GLIS3: variants seen among roughly 807,000 people sequenced by gnomAD.
The protein encoded by GLIS3 is GLIS family zinc finger 3.
Under a neutral mutation model 78.6 loss-of-function variants are expected in GLIS3, and 53 were observed. The observed-to-expected ratio is 0.67, with a 90% CI of 0.54 to 0.85. The LOEUF (loss-of-function observed/expected upper bound fraction) is 0.85. Ranked by LOEUF, GLIS3 falls within the 40% of genes least tolerant of loss-of-function variation. The probability of loss-of-function intolerance (pLI) is 0.00; values close to 1 mark genes in which losing one functional copy is unlikely to be tolerated. For missense variants in GLIS3, 1,703 were observed against 1,231.1 expected (o/e 1.38, Z -5.74); for synonymous variants, 684 against 509.9 (o/e 1.34, Z -4.60).
rs1443175062 is a variant in GLIS3 at position 3,977,990 on chromosome 9, C to G, written c.1711-40801G>C. ...ACCGCTGGGTGCACCCTCCGCTGCT[C>G]CAAACCTGAGAGACAAATGGGAGGT... On this transcript the variant is annotated intron_variant, in intron 4 of 10. Coordinates refer to ENST00000381971, the MANE Select transcript of GLIS3 (RefSeq NM_001042413.2). The surrounding 1 kb of genome is among the most constrained non-coding windows in gnomAD (Gnocchi z 4.1). 1.3e-5 allele frequency among the ~76,000 whole-genome samples: 2 copies of G among 152,188 alleles called. No homozygotes were observed. Among genetic ancestry groups the G allele is most frequent in the Non-Finnish European group, 2.9e-5 (2 of 68,034 alleles).
chr9:3,944,029 A>G (rs1816117594), intron 4 of GLIS3, among the ~76,000 whole-genome samples: 1 of 152,200 alleles, frequency 6.6e-6, no homozygotes, highest in Non-Finnish European at 1.5e-5. Flanking sequence ...AATCTGTATA[A>G]AACAAGGGTT....
At chr9:4,441,427 A>C in the GLIS3 span, among the ~76,000 whole-genome samples, 1 of 152,148 alleles carries the variant, frequency 6.6e-6, no homozygotes, top group African/African-American at 2.4e-5. Flanking sequence ...TTTGTTAATG[A>C]ATCACATTTA....
intron 4 of GLIS3, among the ~76,000 whole-genome samples, chr9:4,050,400 G>A (rs191527242): frequency 3.3e-5 from 5 of 152,038 alleles, no homozygotes; most frequent in African/African-American, 1.2e-4. Context: ...TGAACAATGA[G>A]AACACTTGTA....
Position 3,937,059 on chromosome 9 carries a change from C to T in GLIS3, c.1841G>A (p.Arg614His), listed in dbSNP as rs1432036726. 2 of 1,613,278 alleles carry T rather than the reference C, an allele frequency of 1.2e-6. No individual in the cohort carries two copies. The highest frequency in any genetic ancestry group is 1.7e-6 in the Non-Finnish European group (2 of 1,180,020). ...CAGATGCGTCCGCTGGTGTTTGGCG[C>T]GGTCACTGGAGTTACTGAAGGCCTT... Reference protein sequence around the residue: ...CQKAFSNSSDRAKHQRTHLDT... With the variant: ...CQKAFSNSSDHAKHQRTHLDT... The change falls in exon 5 of 11, where the codon CGC becomes CAC. Residue 614 changes from arginine (R) to histidine (H), a missense_variant. By Grantham distance (29) the Arg-to-His change is conservative (BLOSUM62 0). Coordinates refer to ENST00000381971, the MANE Select transcript of GLIS3 (RefSeq NM_001042413.2).
At chr9:4,350,061 T>C (rs553700523), upstream of GLIS3, among the ~76,000 whole-genome samples, 13 of 152,322 alleles carry the variant, frequency 8.5e-5, no homozygotes, top group African/African-American at 2.6e-4. Context: ...GAGAGTCAGA[T>C]TGCAAGTTAC....
chr9:4,194,414 G>C (rs1818612750), intron 2 of GLIS3, among the ~76,000 whole-genome samples: 1 of 152,080 alleles, frequency 6.6e-6, no homozygotes, highest in Non-Finnish European at 1.5e-5. Context: ...TTAGAATGTT[G>C]AAACTAGTAA....
chr9:4,166,277 T>C (rs1835886198), intron 2 of GLIS3, among the ~76,000 whole-genome samples: 1 of 152,126 alleles, frequency 6.6e-6, no homozygotes, highest in Non-Finnish European at 1.5e-5. Flanking sequence ...TGATGGTGAC[T>C]AGGAGCAACT....
rs564049544 is a variant in GLIS3 at position 4,029,791 on chromosome 9, C to A, written c.1710+87977G>T. 2.0e-5 allele frequency among the ~76,000 whole-genome samples: 3 copies of A among 152,256 alleles called. No homozygotes were observed. In the South Asian group the frequency reaches 6.2e-4, roughly 32 times the overall value. ...TTGATGCAAATGACTGGATCTCATTCTTTTTTATAGGACATTGTGTATATA... is the reference window on the plus strand; with the variant it reads ...TTGATGCAAATGACTGGATCTCATTATTTTTTATAGGACATTGTGTATATA... On this transcript the variant is annotated intron_variant, in intron 4 of 10. Transcript: ENST00000381971.
chr9:4,138,128 A>T (rs761157754), intron 2 of GLIS3, among the ~76,000 whole-genome samples: 12 of 152,368 alleles, frequency 7.9e-5, no homozygotes, highest in Non-Finnish European at 1.8e-4. Context: ...ATAGGCTTAG[A>T]TCAAGCCTCA....
chr9:4,206,006 A>C (rs1232892130), intron 2 of GLIS3, among the ~76,000 whole-genome samples: 1 of 152,196 alleles, frequency 6.6e-6, no homozygotes, highest in Non-Finnish European at 1.5e-5. Flanking sequence ...AAGATGCAAG[A>C]TACCTGAATC....
chr9:3,938,670 G>C (rs955122115), intron 4 of GLIS3, among the ~76,000 whole-genome samples: 2 of 152,186 alleles, frequency 1.3e-5, no homozygotes, highest in Non-Finnish European at 2.9e-5. Flanking sequence ...ACATATGTTG[G>C]TTTATTTCAA....
At chr9:3,873,541 A>G (rs751281158) in intron 8 of GLIS3, among the ~76,000 whole-genome samples, 5 of 152,234 alleles carry the variant, frequency 3.3e-5, no homozygotes, top group Non-Finnish European at 5.9e-5. Context: ...TAGTTAAATA[A>G]AAAACATATT....
At chr9:4,386,943 T>C in the GLIS3 span, among the ~76,000 whole-genome samples, 1 of 152,154 alleles carries the variant, frequency 6.6e-6, no homozygotes, top group Non-Finnish European at 1.5e-5. Flanking sequence ...ATAGTCCCTG[T>C]TGAGGATCAC....
the GLIS3 span, among the ~76,000 whole-genome samples, chr9:4,432,636 T>A: frequency 5.0e-3 from 715 of 143,792 alleles, 5 homozygotes; most frequent in African/African-American, 0.017. Flanking sequence ...TTTTTTTATT[T>A]CCTTTTTTTT....
chr9:3,949,574 C>T (rs997035278), intron 4 of GLIS3, among the ~76,000 whole-genome samples: 6 of 152,104 alleles, frequency 3.9e-5, no homozygotes, highest in Admixed American at 2.0e-4. Flanking sequence ...ACAAATTTAC[C>T]AACAGTAACA....
chr9:3,903,347 A>T (rs763213722), intron 6 of GLIS3, among the ~76,000 whole-genome samples: 3 of 152,246 alleles, frequency 2.0e-5, no homozygotes, highest in Non-Finnish European at 2.9e-5. Flanking sequence ...GTTAGCAGAG[A>T]GCAAAGAACT....
rs1445374183 is a variant in GLIS3 at position 4,278,536 on chromosome 9, A to AC, written c.388+7501_388+7502insG. Among the ~76,000 whole-genome samples, 4 of 152,222 alleles carry AC rather than the reference A, an allele frequency of 2.6e-5. No homozygotes were observed. The East Asian group carries it at 5.8e-4, about 22-fold the overall frequency. On this transcript the variant is annotated intron_variant, in intron 2 of 10. Coordinates refer to ENST00000381971, the MANE Select transcript of GLIS3 (RefSeq NM_001042413.2). ...GATGGTAATGAATTCTAACAGAATAATTTAAAAAAAATCCATGAGTGATTC... is the reference window on the plus strand; with the variant it reads ...GATGGTAATGAATTCTAACAGAATAACTTTAAAAAAAATCCATGAGTGATTC...
chr9:4,385,690 G>T, the GLIS3 span, among the ~76,000 whole-genome samples: 1 of 98,072 alleles, frequency 1.0e-5, no homozygotes, highest in African/African-American at 4.8e-5. Flanking sequence ...AAAGAAAAAA[G>T]AAAGAAAGAA....
At chr9:4,131,212 T>C (rs550571166) in intron 2 of GLIS3, among the ~76,000 whole-genome samples, 1 of 152,270 alleles carries the variant, frequency 6.6e-6, no homozygotes, top group South Asian at 2.1e-4. Flanking sequence ...CTCATATAGG[T>C]GGAAGCACTA....
Sources: gnomAD v4.1 joint callset for allele counts (sites outside exome capture counted in the v4.1 genomes callset) on GRCh38, gnomAD v4.1.1 for gene constraint, Gnocchi (gnomAD v3.1) non-coding constraint, MANE v1.5 for transcripts, NCBI Gene and HGNC (gene_info 2026-07-23, HGNC 2026-07-21) for gene names.